Variants in PDK3 observed in about 807,000 individuals in gnomAD.
The protein encoded by PDK3 is pyruvate dehydrogenase kinase, isozyme 3.
Under a neutral mutation model 32.0 loss-of-function variants are expected in PDK3, and 12 were observed. The ratio of observed to expected loss-of-function variants is 0.37; its 90% CI spans 0.24 to 0.61. The LOEUF (loss-of-function observed/expected upper bound fraction) is 0.61, where lower values mean the gene tolerates loss of function less well. Among genes scored for constraint, PDK3 ranks in the 20% least tolerant of loss-of-function variants. The probability of loss-of-function intolerance (pLI) is 0.65; values close to 1 mark genes in which losing one functional copy is unlikely to be tolerated. For missense variants in PDK3, 188 were observed against 316.9 expected, an observed-to-expected ratio of 0.59 and a Z score of 3.09; for synonymous variants, 122 against 116.3, an observed-to-expected ratio of 1.05 and a Z score of -0.31.
intron 1 of PDK3, among the ~76,000 whole-genome samples, chrX:24,472,261 T>G (rs1200112641): frequency 8.9e-6 from 1 of 112,212 alleles, no homozygotes; most frequent in Non-Finnish European, 1.9e-5. Context: ...CAGGAGACCT[T>G]TGAGCACTTG....
At chrX:24,549,833 C>T (rs1002751750) in exon 12 of PDK3, 4 of 111,966 alleles carry the variant, frequency 3.6e-5, no homozygotes, top group African/African-American at 1.3e-4. Context: ...TTAAATATTT[C>T]CCAGATCTAA....
At chrX:24,483,773 C>A (rs866252716) in intron 1 of PDK3, among the ~76,000 whole-genome samples, 1 of 111,445 alleles carries the variant, frequency 9.0e-6, no homozygotes, top group Admixed American at 9.6e-5. Flanking sequence ...AGTGCAGTGG[C>A]GCAATCTTGG....
intron 5 of PDK3, among the ~76,000 whole-genome samples, chrX:24,512,762 G>GA (rs1256781841): frequency 6.6e-5 from 7 of 105,417 alleles, no homozygotes; most frequent in East Asian, 2.9e-4. Flanking sequence ...GACTCCATCA[G>GA]AAAAAAAAAA....
exon 12 of PDK3, among the ~76,000 whole-genome samples, chrX:24,541,197 C>T (rs1055957863): frequency 8.2e-5 from 9 of 109,247 alleles, no homozygotes; most frequent in East Asian, 2.9e-4. Context: ...AGGTTCGAGC[C>T]ACTGCGCCCA....
intron 9 of PDK3, among the ~76,000 whole-genome samples, chrX:24,530,734 C>G: frequency 9.0e-6 from 1 of 111,677 alleles, no homozygotes; most frequent in Non-Finnish European, 1.9e-5. Context: ...CTGTTCTTGT[C>G]CATAGAACAC....
In PDK3 at chrX:24,531,777, C is replaced by T. The variant is rs1254633549; in HGVS notation, c.1077+7C>T. 3 of 1,018,416 alleles carry T rather than the reference C, an allele frequency of 2.9e-6. No individual in the cohort carries two copies. The highest frequency in any genetic ancestry group is 1.9e-5 in the African/African-American group (1 of 53,352). The allele number at this position is 1,018,416 out of a possible 1,213,427, so 83.9% of individuals were successfully genotyped here. On this transcript the variant is annotated splice_region_variant and intron_variant, in intron 10 of 10. Transcript: ENST00000379162. The stretch of plus-strand genomic sequence containing the variant: ...TGCTGTCATTTATTTGAAGGTACTG[C>T]GTTTTATTTGTTAGTATGAGGCATC...
intron 2 of PDK3, among the ~76,000 whole-genome samples, chrX:24,497,607 T>C (rs935752658): frequency 8.8e-5 from 10 of 113,013 alleles, no homozygotes; most frequent in Admixed American, 8.4e-4. Context: ...TTAAAAAGTA[T>C]GTCCATCAAT....
At chrX:24,549,662 A>G (rs751635942) in exon 12 of PDK3, 1 of 111,798 alleles carries the variant, frequency 8.9e-6, no homozygotes, top group Non-Finnish European at 1.9e-5. Flanking sequence ...ATTTTTAAGA[A>G]GAACGGAACA....
chrX:24,537,282 A>ATTTTTTTTTTTT (rs1167543267), downstream of PDK3, among the ~76,000 whole-genome samples: 31 of 65,668 alleles, frequency 4.7e-4, no homozygotes, highest in Non-Finnish European at 6.2e-4. Context: ...ACGCCTGGCT[A>ATTTTTTTTTTTT]TTTTTTTTTT....
chrX:24,521,144 T>C (rs1922386082), intron 6 of PDK3, among the ~76,000 whole-genome samples: 2 of 109,239 alleles, frequency 1.8e-5, no homozygotes, highest in African/African-American at 6.7e-5. Flanking sequence ...CTGGACATAG[T>C]GGCATGTGCC....
At chrX:24,506,887 C>T (rs1375218783) in intron 5 of PDK3, among the ~76,000 whole-genome samples, 7 of 100,610 alleles carry the variant, frequency 7.0e-5, no homozygotes, top group African/African-American at 1.8e-4. Context: ...CTCAGCTCAC[C>T]GCAAGCTCTG....
chrX:24,541,613 A>G lies in PDK3; in HGVS notation c.*2449A>G, dbSNP rs1202549861. On this transcript the variant is annotated 3_prime_UTR_variant, in exon 12 of 12. Transcript: ENST00000568479. ...TCTCCTGTCTTTGTTTTCTTCATTAAGAATTTATCTTTAACCCTAAAGCAA... is the reference window on the plus strand; with the variant it reads ...TCTCCTGTCTTTGTTTTCTTCATTAGGAATTTATCTTTAACCCTAAAGCAA... Among the ~76,000 whole-genome samples the G allele has an allele frequency of 1.8e-5, 2 of 112,708 alleles. No individual in the cohort carries two copies. The highest frequency in any genetic ancestry group is 3.2e-5 in the African/African-American group (1 of 31,023).
chrX:24,471,020 G>A lies in PDK3; in HGVS notation c.106+5459G>A, dbSNP rs190126121. Among the ~76,000 whole-genome samples the A allele has an allele frequency of 2.3e-3, 258 of 110,377 alleles. 1 individual carries two copies. Among genetic ancestry groups the A allele is most frequent in the African/African-American group, 7.8e-3 (238 of 30,333 alleles). On this transcript the variant is annotated intron_variant, in intron 1 of 10. Coordinates refer to ENST00000379162, the MANE Select transcript of PDK3 (RefSeq NM_005391.5). ...TTGAACAATGAGAACACATGGACAC[G>A]GCAAGGGGAACATCACACACCAGGG...
rs1371381526 is a variant in PDK3, at chrX:24,534,034, G to A, written c.1183G>A (p.Glu395Lys). Residue 395 changes from glutamate to lysine, a missense_variant, in exon 11 of 11, where the codon GAA (glutamate) becomes AAA (lysine). Coordinates refer to ENST00000379162, the MANE Select transcript of PDK3 (RefSeq NM_005391.5). ...EADDWSNPSS[E>K]PRDASKYKAK... Reference sequence around the variant, plus strand: ...CGATGATTGGAGCAATCCCAGCAGTGAACCCAGGGATGCTTCAAAATACAA... The same window carrying A: ...CGATGATTGGAGCAATCCCAGCAGTAAACCCAGGGATGCTTCAAAATACAA... 2.5e-6 allele frequency: 3 copies of A among 1,206,134 alleles called. No homozygotes were observed. Among genetic ancestry groups the A allele is most frequent in the African/African-American group, 1.8e-5 (1 of 57,001 alleles).
intron 5 of PDK3, among the ~76,000 whole-genome samples, chrX:24,514,169 T>C (rs766902554): frequency 1.6e-4 from 18 of 112,511 alleles, no homozygotes; most frequent in Non-Finnish European, 3.0e-4. Context: ...TCAATTTTCC[T>C]GTGTGCTATT....
intron 1 of PDK3, among the ~76,000 whole-genome samples, chrX:24,486,372 G>A (rs1351176936): frequency 9.0e-6 from 1 of 111,201 alleles, no homozygotes; most frequent in African/African-American, 3.3e-5. Context: ...GAGTGAAGGG[G>A]CCCTCGGATG....
intron 2 of PDK3, among the ~76,000 whole-genome samples, chrX:24,496,289 C>T (rs1921696508): frequency 1.3e-5 from 1 of 77,467 alleles, no homozygotes; most frequent in Non-Finnish European, 2.4e-5. Context: ...CTGTCTCACT[C>T]TCTGCATACA....
At chrX:24,474,430 T>TA (rs1921057430) in intron 1 of PDK3, among the ~76,000 whole-genome samples, 1 of 107,911 alleles carries the variant, frequency 9.3e-6, no homozygotes, top group South Asian at 4.0e-4. Context: ...TTTATTTATT[T>TA]TGAGACGGAG....
At chrX:24,487,449 A>G (rs1921430943) in intron 1 of PDK3, among the ~76,000 whole-genome samples, 1 of 111,888 alleles carries the variant, frequency 8.9e-6, no homozygotes, top group Non-Finnish European at 1.9e-5. Context: ...TAGGTGCAAC[A>G]TACACATGGA....
Sources: gnomAD v4.1 joint callset for allele counts (sites outside exome capture counted in the v4.1 genomes callset) on GRCh38, gnomAD v4.1.1 for gene constraint, MANE v1.5 for transcripts, NCBI Gene and HGNC (gene_info 2026-07-23, HGNC 2026-07-21) for gene names.